CFAP299: variants seen among roughly 807,000 people sequenced by gnomAD.
CFAP299 encodes the protein cilia- and flagella-associated protein 299.
A neutral mutation model predicts 27.0 loss-of-function variants in CFAP299; 21 were observed. That is an observed-to-expected ratio of 0.78 (90% CI 0.55 to 1.12). The LOEUF (loss-of-function observed/expected upper bound fraction) is 1.12, where lower values mean the gene tolerates loss of function less well. CFAP299 is among the 50% of genes most tolerant of loss of function. CFAP299 has a pLI of 0.00. For missense variants in CFAP299, 310 were observed against 276.6 expected (o/e 1.12, Z -0.86); for synonymous variants, 104 against 98.1 (o/e 1.06, Z -0.36).
intron 2 of CFAP299, among the ~76,000 whole-genome samples, chr4:80,579,883 T>G (rs1454551967): frequency 6.6e-6 from 1 of 152,126 alleles, no homozygotes; most frequent in African/African-American, 2.4e-5. Context: ...TTACCTTTTG[T>G]GCTGTGGGAT....
chr4:80,704,742 C>T (rs1358431816), intron 3 of CFAP299, among the ~76,000 whole-genome samples: 1 of 151,774 alleles, frequency 6.6e-6, no homozygotes, highest in East Asian at 1.9e-4. Flanking sequence ...ATAATACCAG[C>T]TCTGACTGTT....
the CFAP299 span, among the ~76,000 whole-genome samples, chr4:80,325,118 G>A: frequency 1.8e-4 from 27 of 152,338 alleles, no homozygotes; most frequent in East Asian, 5.8e-4. Flanking sequence ...GCGAGACTCC[G>A]TCTCAAAACA....
intron 3 of CFAP299, among the ~76,000 whole-genome samples, chr4:80,775,454 C>T (rs1156717324): frequency 2.0e-5 from 3 of 151,852 alleles, no homozygotes; most frequent in East Asian, 1.9e-4. Flanking sequence ...ATGACTAGGT[C>T]TCTTCTATCT....
rs1737431448 is a variant in CFAP299 at position 80,602,878 on chromosome 4, A to C, written c.333+19695A>C. On this transcript the variant is annotated intron_variant, in intron 3 of 5. Coordinates refer to ENST00000358105, the MANE Select transcript of CFAP299 (RefSeq NM_152770.3). ...CTGCTGGAACACTGGCCATGTGCAC[A>C]CAGACCTGGGCACTGGGTGATGGAG... is the stretch of plus-strand genomic sequence containing the variant. Among the ~76,000 whole-genome samples, 3 of 152,096 alleles carry C rather than the reference A, an allele frequency of 2.0e-5. No individual in the cohort carries two copies. The South Asian group carries it at 6.2e-4, about 32-fold the overall frequency.
At chr4:80,735,926 G>T (rs1457048785) in intron 3 of CFAP299, among the ~76,000 whole-genome samples, 1 of 151,594 alleles carries the variant, frequency 6.6e-6, no homozygotes, top group African/African-American at 2.4e-5. Context: ...TTCTTTTTTT[G>T]GTATCAGGGT....
chr4:80,555,111 A>T (rs1452567615), intron 2 of CFAP299, among the ~76,000 whole-genome samples: 1 of 152,126 alleles, frequency 6.6e-6, no homozygotes, highest in Non-Finnish European at 1.5e-5. Flanking sequence ...GCATTTGCCC[A>T]TTCCGTATGA....
At chr4:80,883,444 T>A (rs1733815365) in intron 4 of CFAP299, among the ~76,000 whole-genome samples, 1 of 152,164 alleles carries the variant, frequency 6.6e-6, no homozygotes, top group African/African-American at 2.4e-5. Flanking sequence ...CTATCAATAA[T>A]TACTATATAT....
At chr4:80,644,689 A>G (rs1739901195) in intron 3 of CFAP299, among the ~76,000 whole-genome samples, 1 of 152,034 alleles carries the variant, frequency 6.6e-6, no homozygotes, top group African/African-American at 2.4e-5. Context: ...GAGAATTCCA[A>G]CTCTTGTTCC....
At chr4:80,702,310 T>C (rs1319227731) in intron 3 of CFAP299, among the ~76,000 whole-genome samples, 1 of 151,920 alleles carries the variant, frequency 6.6e-6, no homozygotes, top group African/African-American at 2.4e-5. Flanking sequence ...TTATTCATTT[T>C]GTTTTGCCTC....
intron 3 of CFAP299, among the ~76,000 whole-genome samples, chr4:80,739,801 C>G (rs974922615): frequency 6.6e-6 from 1 of 151,930 alleles, no homozygotes; most frequent in African/African-American, 2.4e-5. Context: ...CTCATTAAGG[C>G]CAGGAACTCT....
chr4:80,792,720 G>A lies in CFAP299; in HGVS notation c.334-77273G>A, dbSNP rs190315381. Among the ~76,000 whole-genome samples, 595 of 152,090 alleles carry A rather than the reference G, an allele frequency of 3.9e-3. 1 individual carries two copies. Among genetic ancestry groups the A allele is most frequent in the African/African-American group, 0.013 (554 of 41,498 alleles). ...ATATTTGTTCAGATAGGTTTTCTGC[G>A]TTTATCCCTTTCACAGCCCAGCTTG... On this transcript the variant is annotated intron_variant, in intron 3 of 5. Transcript: ENST00000358105.
chr4:80,782,636 A>C (rs1387646927), intron 3 of CFAP299, among the ~76,000 whole-genome samples: 2 of 106,490 alleles, frequency 1.9e-5, no homozygotes, highest in African/African-American at 7.2e-5. Context: ...TTCATATATA[A>C]TATACATATA....
chr4:80,805,455 T>C (rs1728816386), intron 3 of CFAP299, among the ~76,000 whole-genome samples: 6 of 152,154 alleles, frequency 3.9e-5, no homozygotes. Flanking sequence ...TAATTTTAAA[T>C]TGAAGCAAAT....
rs1733871393 is a variant in CFAP299 at position 80,538,874 on chromosome 4, A to C, written c.243-44219A>C. Reference sequence around the variant, plus strand: ...TAACCAAAATTAGTAAAAGAATGCTACATCTTCCCCAACTCTCAGATTAAG... The same window carrying C: ...TAACCAAAATTAGTAAAAGAATGCTCCATCTTCCCCAACTCTCAGATTAAG... On this transcript the variant is annotated intron_variant, in intron 2 of 5. Transcript: ENST00000358105. 2.6e-5 allele frequency among the ~76,000 whole-genome samples: 4 copies of C among 152,210 alleles called. No homozygotes were observed. The South Asian group carries it at 8.3e-4, about 31-fold the overall frequency.
intron 3 of CFAP299, among the ~76,000 whole-genome samples, chr4:80,643,569 T>A (rs1385457424): frequency 1.3e-5 from 2 of 152,152 alleles, no homozygotes; most frequent in East Asian, 3.9e-4. Context: ...AGTAATATCT[T>A]TGAGTAGGTG....
chr4:80,795,920 G>T (rs1049011517), intron 3 of CFAP299, among the ~76,000 whole-genome samples: 2 of 152,086 alleles, frequency 1.3e-5, no homozygotes, highest in African/African-American at 4.8e-5. Context: ...TCATGTATGG[G>T]GACCTGCCAG....
At chr4:80,627,916 A>T (rs1388926074) in intron 3 of CFAP299, among the ~76,000 whole-genome samples, 1 of 152,154 alleles carries the variant, frequency 6.6e-6, no homozygotes, top group Non-Finnish European at 1.5e-5. Flanking sequence ...TACCCAAAGC[A>T]AGCTACAGAT....
At chr4:80,368,089 G>C (rs1723935683) in intron 2 of CFAP299, among the ~76,000 whole-genome samples, 1 of 152,180 alleles carries the variant, frequency 6.6e-6, no homozygotes, top group African/African-American at 2.4e-5. Flanking sequence ...CTGAGATAAT[G>C]ACCTTATTTT....
At chr4:80,450,249 G>A (rs113855458) in intron 2 of CFAP299, among the ~76,000 whole-genome samples, 2 of 152,138 alleles carry the variant, frequency 1.3e-5, no homozygotes, top group African/African-American at 4.8e-5. Flanking sequence ...AAGAAGGAAA[G>A]AGAATTGAAA....
Sources: allele counts gnomAD v4.1 joint callset (sites outside exome capture counted in the v4.1 genomes callset), GRCh38; gene constraint gnomAD v4.1.1; transcripts MANE v1.5; gene names NCBI Gene and HGNC (gene_info 2026-07-23, HGNC 2026-07-21).